The following ARHGAP24 variants were observed in gnomAD, a reference collection of about 807,000 sequenced individuals.
ARHGAP24 encodes the protein rho GTPase-activating protein 24.
ARHGAP24 carries 50 observed loss-of-function variants against 76.4 expected under a neutral mutation model. That is an observed-to-expected ratio of 0.65 (90% CI 0.52 to 0.83). ARHGAP24 has a LOEUF of 0.83. ARHGAP24 is among the 40% of genes least tolerant of loss of function. The probability of loss-of-function intolerance (pLI) is 0.00; values close to 1 mark genes in which losing one functional copy is unlikely to be tolerated. For synonymous variants in ARHGAP24, 345 were observed against 323.3 expected (o/e 1.07, Z -0.72); for missense variants, 930 against 914.2 (o/e 1.02, Z -0.22).
intron 5 of ARHGAP24, among the ~76,000 whole-genome samples, chr4:85,970,095 A>G (rs1247197356): frequency 6.6e-6 from 1 of 152,184 alleles, no homozygotes; most frequent in Non-Finnish European, 1.5e-5. Flanking sequence ...GGAAAACCTC[A>G]GTCCTTACCC....
In ARHGAP24 at chr4:85,677,145, G is replaced by A. The variant is rs544283499; in HGVS notation, c.181-44740G>A. ...ATCAAGTAGCTTTGATTAAATAAAG[G>A]TCATTAGCAACAGACACACATGCAA... is the stretch of plus-strand genomic sequence containing the variant. On this transcript the variant is annotated intron_variant, in intron 2 of 9. Coordinates refer to ENST00000395184, the MANE Select transcript of ARHGAP24 (RefSeq NM_001025616.3). Among the ~76,000 whole-genome samples the A allele has an allele frequency of 9.8e-5, 15 of 152,332 alleles. No homozygotes were observed. The South Asian group carries it at 1.9e-3, about 19-fold the overall frequency.
At chr4:85,828,343 T>A (rs1326605616) in intron 3 of ARHGAP24, among the ~76,000 whole-genome samples, 3 of 152,192 alleles carry the variant, frequency 2.0e-5, no homozygotes, top group Non-Finnish European at 2.9e-5. Flanking sequence ...TATATTTGTT[T>A]AGTGCTTGCT....
intron 1 of ARHGAP24, among the ~76,000 whole-genome samples, chr4:85,564,561 A>T (rs1399254025): frequency 6.6e-6 from 1 of 152,020 alleles, no homozygotes; most frequent in African/African-American, 2.4e-5. Context: ...AAATTAAAAA[A>T]AAAAGATTTT....
At chr4:85,898,963 C>T (rs751512129) in intron 3 of ARHGAP24, among the ~76,000 whole-genome samples, 4 of 152,182 alleles carry the variant, frequency 2.6e-5, no homozygotes, top group Admixed American at 1.3e-4. Context: ...GGGCTAGTCT[C>T]GAACTCCTGA....
At chr4:85,926,375 G>C (rs915212765) in intron 4 of ARHGAP24, among the ~76,000 whole-genome samples, 1 of 152,158 alleles carries the variant, frequency 6.6e-6, no homozygotes, top group African/African-American at 2.4e-5. Flanking sequence ...TTATGAGACT[G>C]CAAGGCAAGC....
chr4:85,497,888 A>G (rs908216856), intron 1 of ARHGAP24, among the ~76,000 whole-genome samples: 1 of 152,176 alleles, frequency 6.6e-6, no homozygotes, highest in Non-Finnish European at 1.5e-5. Context: ...TTTTAGTTTT[A>G]CTGTTGTAAC....
intron 4 of ARHGAP24, among the ~76,000 whole-genome samples, chr4:85,925,750 G>C (rs1002082342): frequency 5.9e-5 from 9 of 152,136 alleles, no homozygotes; most frequent in Non-Finnish European, 1.3e-4. Flanking sequence ...GGTGTCCAGT[G>C]GGGACTTTTA....
chr4:85,946,652 G>T (rs1478381078), intron 5 of ARHGAP24, among the ~76,000 whole-genome samples: 1 of 152,172 alleles, frequency 6.6e-6, no homozygotes, highest in African/African-American at 2.4e-5. Flanking sequence ...TGCAGCAGAG[G>T]ACATTATTTC....
intron 2 of ARHGAP24, among the ~76,000 whole-genome samples, chr4:85,575,289 G>A (rs113367638): frequency 6.6e-6 from 1 of 152,248 alleles, no homozygotes; most frequent in African/African-American, 2.4e-5. Flanking sequence ...GGAAGGTGAT[G>A]CATGCAGGCC....
Position 85,942,285 on chromosome 4 carries a change from A to T in ARHGAP24, c.599+12A>T, listed in dbSNP as rs201176700. 1 of 1,613,420 alleles carries T rather than the reference A, an allele frequency of 6.2e-7. No homozygotes were observed. The highest frequency in any genetic ancestry group is 1.3e-5 in the African/African-American group (1 of 74,910). ...CCATCATTTGACAGGTAGATGTCAC[A>T]ATTTTACTAGCCATCTTCACTGAGA... is the stretch of plus-strand genomic sequence containing the variant. On this transcript the variant is annotated intron_variant, in intron 5 of 9. Coordinates refer to ENST00000395184, the MANE Select transcript of ARHGAP24 (RefSeq NM_001025616.3).
intron 3 of ARHGAP24, among the ~76,000 whole-genome samples, chr4:85,884,485 AG>A (rs764626737): frequency 6.6e-6 from 1 of 152,166 alleles, no homozygotes; most frequent in Non-Finnish European, 1.5e-5. Flanking sequence ...ACATTTGTTA[AG>A]GGGGAGTTAC....
chr4:85,710,784 G>A (rs1246635028), intron 2 of ARHGAP24, among the ~76,000 whole-genome samples: 2 of 152,034 alleles, frequency 1.3e-5, no homozygotes, highest in Non-Finnish European at 2.9e-5. Context: ...CAGTCAGAAT[G>A]GCTGTTATTA....
At chr4:85,606,119 T>C (rs1720182473) in intron 2 of ARHGAP24, among the ~76,000 whole-genome samples, 1 of 152,178 alleles carries the variant, frequency 6.6e-6, no homozygotes, top group Admixed American at 6.5e-5. Flanking sequence ...TGCAAAAAAA[T>C]GTTTTGAATA....
chr4:85,998,805 TAA>T (rs1177600166), intron 9 of ARHGAP24, among the ~76,000 whole-genome samples: 1 of 152,160 alleles, frequency 6.6e-6, no homozygotes, highest in Non-Finnish European at 1.5e-5. Flanking sequence ...AGCTCTCAGT[TAA>T]ATTACTTGTA....
chr4:85,855,772 G>GC (rs1553935449), intron 3 of ARHGAP24, among the ~76,000 whole-genome samples: 2 of 140,816 alleles, frequency 1.4e-5, no homozygotes, highest in Non-Finnish European at 3.1e-5. Flanking sequence ...AAGCAAAAAA[G>GC]AAAAAAAAAA....
At chr4:85,608,299 A>G (rs1347959731) in intron 2 of ARHGAP24, among the ~76,000 whole-genome samples, 1 of 152,158 alleles carries the variant, frequency 6.6e-6, no homozygotes, top group Non-Finnish European at 1.5e-5. Flanking sequence ...GATGCCAATT[A>G]CCTAATGCAT....
At chr4:85,530,140 C>T (rs1429841890) in intron 1 of ARHGAP24, among the ~76,000 whole-genome samples, 1 of 151,744 alleles carries the variant, frequency 6.6e-6, no homozygotes, top group Non-Finnish European at 1.5e-5. Context: ...ATATACTCCT[C>T]CAAATCTAGT....
At chr4:85,750,096 T>C (rs563281296) in intron 3 of ARHGAP24, among the ~76,000 whole-genome samples, 2 of 152,122 alleles carry the variant, frequency 1.3e-5, no homozygotes, top group East Asian at 3.9e-4. Flanking sequence ...TTAAACATGA[T>C]GAAATGTCAG....
At chr4:85,576,700 C>T (rs987621135) in intron 2 of ARHGAP24, among the ~76,000 whole-genome samples, 2 of 152,104 alleles carry the variant, frequency 1.3e-5, no homozygotes, top group Non-Finnish European at 2.9e-5. Context: ...AAATTCTTAG[C>T]ACTTTCCTAG....
Sources: allele counts gnomAD v4.1 joint callset (sites outside exome capture counted in the v4.1 genomes callset), GRCh38; gene constraint gnomAD v4.1.1; transcripts MANE v1.5; gene names NCBI Gene and HGNC (gene_info 2026-07-23, HGNC 2026-07-21).